ITGB4: variants seen among roughly 807,000 people sequenced by gnomAD.
ITGB4 encodes integrin beta-4.
A neutral mutation model predicts 207.6 loss-of-function variants in ITGB4; 159 were observed. The observed-to-expected ratio is 0.77, with a 90% CI of 0.67 to 0.87. The LOEUF is 0.87. Among genes scored for constraint, ITGB4 ranks in the 40% least tolerant of loss-of-function variants. ITGB4 has a pLI of 0.00. For synonymous variants in ITGB4, 1,020 were observed against 1,062.7 expected (o/e 0.96, Z 0.78); for missense variants, 2,278 against 2,546.8 (o/e 0.89, Z 2.27).
chr17:75,727,697 A>G lies in ITGB4; in HGVS notation c.311A>G (p.Gln104Arg). ...TTLRRSQMSP[Q>R]GLRVRLRPGE... ...CTGCGGCGCAGCCAGATGTCCCCCC[A>G]AGGCCTGCGGGTCCGTCTGCGGCCC... The change falls in exon 5 of 40, where the codon CAA becomes CGA. Residue 104 changes from glutamine (Q) to arginine (R), a missense_variant. Physicochemically the swap from Gln to Arg is conservative, Grantham distance 43. Coordinates refer to ENST00000200181, the MANE Select transcript of ITGB4 (RefSeq NM_000213.5). The surrounding 1 kb of genome is among the most constrained non-coding windows in gnomAD (Gnocchi z 6.0). 2 of 1,612,360 alleles carry G rather than the reference A, an allele frequency of 1.2e-6. No individual in the cohort carries two copies. Among genetic ancestry groups the G allele is most frequent in the South Asian group, 2.2e-5 (2 of 90,800 alleles).
Position 75,740,345 on chromosome 17 carries a change from C to A in ITGB4, c.2447-13C>A. On this transcript the variant is annotated splice_polypyrimidine_tract_variant and intron_variant, in intron 20 of 39. Transcript: ENST00000200181. The surrounding 1 kb of genome is among the most constrained non-coding windows in gnomAD (Gnocchi z 5.9). ...CCACCTCCATCTCACCCCCTCCCAC[C>A]GCCTTTCCTTAGTGCCCTACGGGCT... is the stretch of plus-strand genomic sequence containing the variant. 6.2e-7 allele frequency: 1 copy of A among 1,609,160 alleles called. No individual in the cohort carries two copies. Among genetic ancestry groups the A allele is most frequent in the Non-Finnish European group, 8.5e-7 (1 of 1,177,508 alleles).
Position 75,756,749 on chromosome 17 carries a change from T to A in ITGB4, c.4943T>A (p.Val1648Glu), listed in dbSNP as rs756055248. Reference protein sequence around the residue: ...LSTPSAPGPLVFTALSPDSLQ... With the variant: ...LSTPSAPGPLEFTALSPDSLQ... ...ACTCCCAGTGCCCCAGGCCCGCTGG[T>A]GTTCACTGCCCTGAGCCCAGACTCG... is the stretch of plus-strand genomic sequence containing the variant. The change falls in exon 37 of 40, where the codon GTG becomes GAG. Residue 1648 changes from valine (V) to glutamate (E), a missense_variant. Coordinates refer to ENST00000200181, the MANE Select transcript of ITGB4 (RefSeq NM_000213.5). 7 of 1,612,920 alleles carry A rather than the reference T, an allele frequency of 4.3e-6. No homozygotes were observed. The highest frequency in any genetic ancestry group is 5.9e-6 in the Non-Finnish European group (7 of 1,179,984).
At position 75,733,553 on chromosome 17, in the gene ITGB4, G is replaced by A; in HGVS notation, c.1518G>A (p.Glu506=). The A allele has an allele frequency of 6.2e-7, 1 of 1,614,006 alleles. No homozygotes were observed. The highest frequency in any genetic ancestry group is 8.5e-7 in the Non-Finnish European group (1 of 1,180,042). ...GTGACATTCAGCCCTGCCTGCGGGA[G>A]GGCGAGGACAAGCCGTGCTCCGGCC... ...SLSDIQPCLR[E]GEDKPCSGRG... is the part of the protein sequence containing the mutation. Residue 506 remains glutamate (E), a synonymous_variant, in exon 13 of 40, where the codon GAG becomes GAA. Coordinates refer to ENST00000200181, the MANE Select transcript of ITGB4 (RefSeq NM_000213.5).
rs535528902 is a variant in ITGB4 at position 75,737,287 on chromosome 17, G to T, written c.1991-35G>T. On this transcript the variant is annotated intron_variant, in intron 16 of 39. Transcript: ENST00000200181. Reference sequence around the variant, plus strand: ...TGGGTCCTCTGGGGCGGAGGGGTGTGGCTGGGGTGCCCTGCTGACTGGCTG... The same window carrying T: ...TGGGTCCTCTGGGGCGGAGGGGTGTTGCTGGGGTGCCCTGCTGACTGGCTG... The T allele has an allele frequency of 4.2e-4, 664 of 1,578,100 alleles. 4 individuals are homozygous for T. Among genetic ancestry groups the T allele is most frequent in the Non-Finnish European group, 8.9e-5 (104 of 1,162,454 alleles).
rs531073554 is a variant in ITGB4 at position 75,731,863 on chromosome 17, G to A, written c.1267G>A (p.Val423Met). 2.1e-5 allele frequency: 34 copies of A among 1,613,380 alleles called. No homozygotes were observed. The African/African-American group carries it at 2.3e-4, about 11-fold the overall frequency. ...CCTTGAGCACGTGGATGGGACGCAC[G>A]TGTGCCAGCTGCCGGAGGACCAGAA... is the stretch of plus-strand genomic sequence containing the variant. ...RALEHVDGTH[V>M]CQLPEDQKGN... The change falls in exon 11 of 40, where the codon GTG becomes ATG. Residue 423 changes from valine (V) to methionine (M), a missense_variant. By Grantham distance (21) the Val-to-Met change is conservative. Transcript: ENST00000200181. This position sits in a 1 kb window ranked among gnomAD's most constrained non-coding sequence, Gnocchi z 6.8.
chr17:75,754,065 G>A (rs967061776), intron 33 of ITGB4, 91 bp downstream of exon 33: 3 of 590,084 alleles, frequency 5.1e-6, no homozygotes, highest in African/African-American at 1.9e-5. Flanking sequence ...CTGCCTCGGG[G>A]GCCCCAGTTT....
rs1268224993 is a variant in ITGB4, at chr17:75,753,771, G to A, written c.4115G>A (p.Gly1372Asp). The A allele has an allele frequency of 4.8e-6, 7 of 1,447,680 alleles. No individual in the cohort carries two copies. Among genetic ancestry groups the A allele is most frequent in the Non-Finnish European group, 6.4e-6 (7 of 1,100,810 alleles). 89.7% of individuals were successfully genotyped at this position (1,447,680 alleles called of 1,614,324 possible). ...RPSVSDDTGC[G>D]WKFEPLLGEE... ...GCCCTTCGTTGTTCCCAAGGCTGCG[G>A]CTGGAAGTTCGAGCCCCTGCTGGGG... Residue 1372 changes from glycine (G) to aspartate (D), a missense_variant, in exon 33 of 40, where the codon GGC becomes GAC. Gly to Asp is a moderately conservative substitution (Grantham distance 94). Coordinates refer to ENST00000200181, the MANE Select transcript of ITGB4 (RefSeq NM_000213.5).
rs530129255 is a variant in ITGB4 at position 75,757,664 on chromosome 17, G to A, written c.*109G>A. On this transcript the variant is annotated 3_prime_UTR_variant, in exon 40 of 40. Coordinates refer to ENST00000200181, the MANE Select transcript of ITGB4 (RefSeq NM_000213.5). ...GCACCCCTGGGGGCCCAGCCCACCCGCATGCACAGAGCAGGGGCTAGGTGT... is the reference window on the plus strand; with the variant it reads ...GCACCCCTGGGGGCCCAGCCCACCCACATGCACAGAGCAGGGGCTAGGTGT... The A allele has an allele frequency of 6.4e-5, 94 of 1,462,188 alleles. 1 individual carries two copies. In the East Asian group the frequency reaches 8.2e-4, roughly 13 times the overall value. The allele number at this position is 1,462,188 out of a possible 1,614,324, so 90.6% of individuals were successfully genotyped here.
In ITGB4 at chr17:75,750,761, C is replaced by T. The variant is rs1238918596; in HGVS notation, c.3556C>T (p.Leu1186=). The part of the protein sequence containing the change: ...SKVPSVELTN[L]YPYCDYEMKV... ...GGTGCCCTCAGTGGAGCTCACCAAC[C>T]TGTACCCGTATTGCGACTATGAGAT... The change falls in exon 29 of 40, where the codon CTG becomes TTG. Residue 1186 remains leucine, a synonymous_variant. Coordinates refer to ENST00000200181, the MANE Select transcript of ITGB4 (RefSeq NM_000213.5). This position sits in a 1 kb window ranked among gnomAD's most constrained non-coding sequence, Gnocchi z 5.5. The T allele has an allele frequency of 2.5e-6, 4 of 1,613,572 alleles. No homozygotes were observed. The highest frequency in any genetic ancestry group is 3.4e-6 in the Non-Finnish European group (4 of 1,180,018).
Position 75,741,017 on chromosome 17 carries a change from A to G in ITGB4, c.2633+12A>G. On this transcript the variant is annotated intron_variant, in intron 23 of 39. Coordinates refer to ENST00000200181, the MANE Select transcript of ITGB4 (RefSeq NM_000213.5). ...AATGCCGGGAAAAAGTGAGTAGAAG[A>G]CTCGTGGGTGAGAGGGCCCCCACTT... 9 of 1,611,822 alleles carry G rather than the reference A, an allele frequency of 5.6e-6. No homozygotes were observed. Among genetic ancestry groups the G allele is most frequent in the Non-Finnish European group, 7.6e-6 (9 of 1,179,730 alleles).
Position 75,757,443 on chromosome 17 carries a change from T to C in ITGB4, c.5357T>C (p.Leu1786Pro), listed in dbSNP as rs1189585504. The C allele has an allele frequency of 3.1e-6, 5 of 1,612,306 alleles. No individual in the cohort carries two copies. The highest frequency in any genetic ancestry group is 4.2e-6 in the Non-Finnish European group (5 of 1,179,910). Residue 1786 changes from leucine to proline, a missense_variant, in exon 40 of 40, where the codon CTG becomes CCG. By Grantham distance (98) the Leu-to-Pro change is moderately conservative. Coordinates refer to ENST00000200181, the MANE Select transcript of ITGB4 (RefSeq NM_000213.5). ...VDGLTLGAQH[L>P]EAGGSLTRHV... ...GGGCTGACCCTGGGGGCCCAGCACC[T>C]GGAGGCAGGCGGCTCCCTCACCCGG...
chr17:75,756,531 G>A lies in ITGB4; in HGVS notation c.4811G>A (p.Ser1604Asn), dbSNP rs768671327. 1.2e-6 allele frequency: 2 copies of A among 1,613,336 alleles called. No individual in the cohort carries two copies. The highest frequency in any genetic ancestry group is 1.7e-6 in the Non-Finnish European group (2 of 1,180,014). The change falls in exon 36 of 40, where the codon AGC (serine) becomes AAC (asparagine). Residue 1604 changes from serine (S) to asparagine (N), a missense_variant. Coordinates refer to ENST00000200181, the MANE Select transcript of ITGB4 (RefSeq NM_000213.5). ...HSYVFRVRAQ[S>N]QEGWGREREG... is the part of the protein sequence containing the mutation. The stretch of plus-strand genomic sequence containing the variant: ...TACGTGTTCCGCGTGCGGGCCCAGA[G>A]CCAGGAAGGCTGGGGCCGAGAGCGT...
Position 75,740,704 on chromosome 17 carries a change from A to G in ITGB4, c.2551-89A>G. ...GCCAACCCTGAGGATCTCTGGGTACAGAGGCTGCCTGGCTCCCTGGGTCCC... is the reference window on the plus strand; with the variant it reads ...GCCAACCCTGAGGATCTCTGGGTACGGAGGCTGCCTGGCTCCCTGGGTCCC... On this transcript the variant is annotated intron_variant, in intron 21 of 39. Coordinates refer to ENST00000200181, the MANE Select transcript of ITGB4 (RefSeq NM_000213.5). This position sits in a 1 kb window ranked among gnomAD's most constrained non-coding sequence, Gnocchi z 5.9. The G allele has an allele frequency of 7.0e-7, 1 of 1,434,484 alleles. No individual in the cohort carries two copies. The highest frequency in any genetic ancestry group is 2.4e-4 in the Middle Eastern group (1 of 4,166). 88.9% of individuals were successfully genotyped at this position (1,434,484 alleles called of 1,614,324 possible).
rs2060684197 is a variant in ITGB4 at position 75,724,731 on chromosome 17, G to T, written c.28G>T (p.Ala10Ser). The T allele has an allele frequency of 6.2e-7, 1 of 1,613,696 alleles. No homozygotes were observed. The highest frequency in any genetic ancestry group is 1.3e-5 in the African/African-American group (1 of 74,950). Residue 10 changes from alanine (A) to serine (S), a missense_variant, in exon 2 of 40, where the codon GCC (alanine) becomes TCC (serine). Coordinates refer to ENST00000200181, the MANE Select transcript of ITGB4 (RefSeq NM_000213.5). MAGPRPSPWARLLLAALISV... is the reference protein window; with the variant it reads MAGPRPSPWSRLLLAALISV... ...GGCAGGGCCACGCCCCAGCCCATGG[G>T]CCAGGCTGCTCCTGGCAGCCTTGAT...
intron 8 of ITGB4, 73 bp downstream of exon 8, chr17:75,730,577 C>T: frequency 1.1e-6 from 1 of 927,574 alleles, no homozygotes; most frequent in Non-Finnish European, 1.6e-6. Context: ...GACACCTCTC[C>T]CTCCCTCCCT....
Position 75,748,168 on chromosome 17 carries a change from C to G in ITGB4, c.3112-673C>G, listed in dbSNP as rs112421731. On this transcript the variant is annotated intron_variant, in intron 26 of 39. Coordinates refer to ENST00000200181, the MANE Select transcript of ITGB4 (RefSeq NM_000213.5). Reference sequence around the variant, plus strand: ...TTGAGGCCGGGAGTTCAAGACCAGCCTAGGCAACATAGGGTAACCGTGCCT... The same window carrying G: ...TTGAGGCCGGGAGTTCAAGACCAGCGTAGGCAACATAGGGTAACCGTGCCT... Among the ~76,000 whole-genome samples the G allele has an allele frequency of 2.6e-3, 336 of 130,106 alleles. 3 individuals carry two copies. Among genetic ancestry groups the G allele is most frequent in the Middle Eastern group, 6.3e-3 (1 of 160 alleles). 85.4% of individuals were successfully genotyped at this position (130,106 alleles called of 152,430 possible).
intron 16 of ITGB4, 57 bp from the exon 17 acceptor site, chr17:75,737,265 G>A (rs1288197802): frequency 1.3e-6 from 2 of 1,561,944 alleles, no homozygotes; most frequent in East Asian, 2.4e-5. Context: ...CAGACCCTGG[G>A]TCCTCTGGGG....
At position 75,727,617 on chromosome 17, in the gene ITGB4, C is replaced by T. The variant is rs913949040; in HGVS notation, c.265-34C>T. On this transcript the variant is annotated intron_variant, in intron 4 of 39. Coordinates refer to ENST00000200181, the MANE Select transcript of ITGB4 (RefSeq NM_000213.5). This position sits in a 1 kb window ranked among gnomAD's most constrained non-coding sequence, Gnocchi z 6.0. ...GCCCCCATCGGGCCTCCGGAGTGAC[C>T]CTCTAGCCAGCTGTCCCCTTCCACT... The T allele has an allele frequency of 8.2e-6, 13 of 1,585,620 alleles. No homozygotes were observed. The highest frequency in any genetic ancestry group is 1.1e-5 in the Non-Finnish European group (13 of 1,166,062).
chr17:75,723,142 G>A (rs991315947), intron 1 of ITGB4, among the ~76,000 whole-genome samples: 4 of 152,196 alleles, frequency 2.6e-5, no homozygotes, highest in African/African-American at 9.6e-5. Context: ...GGCCTGCAGA[G>A]CAGGGCCCTG....
Sources: gnomAD v4.1 joint callset for allele counts (sites outside exome capture counted in the v4.1 genomes callset) on GRCh38, gnomAD v4.1.1 for gene constraint, Gnocchi (gnomAD v3.1) non-coding constraint, MANE v1.5 for transcripts, NCBI Gene and HGNC (gene_info 2026-07-23, HGNC 2026-07-21) for gene names.